The following MAPK8 variants were observed in gnomAD, a reference collection of about 807,000 sequenced individuals.
MAPK8 encodes mitogen-activated protein kinase 8.
In MAPK8, 13 loss-of-function variants were observed where a neutral mutation model predicts 52.9. The ratio of observed to expected loss-of-function variants is 0.25; its 90% CI spans 0.16 to 0.39. The LOEUF is 0.39. Among genes scored for constraint, MAPK8 ranks in the 10% least tolerant of loss-of-function variants. The probability of loss-of-function intolerance (pLI) is 1.00; values close to 1 mark genes in which losing one functional copy is unlikely to be tolerated. For synonymous variants in MAPK8, 191 were observed against 169.8 expected (o/e 1.12, Z -0.97); for missense variants, 300 against 519.2 (o/e 0.58, Z 4.10).
chr10:48,345,310 G>A (rs181996963), intron 1 of MAPK8, among the ~76,000 whole-genome samples: 8 of 152,128 alleles, frequency 5.3e-5, no homozygotes, highest in Non-Finnish European at 7.4e-5. Context: ...CTCAACTATT[G>A]GGTACCTTCT....
intron 1 of MAPK8, among the ~76,000 whole-genome samples, chr10:48,350,835 T>C (rs1846249315): frequency 6.6e-6 from 1 of 152,204 alleles, no homozygotes; most frequent in South Asian, 2.1e-4. Context: ...TTGTCTCTGT[T>C]TGCAGATGAC....
chr10:48,371,718 G>A (rs572274630), intron 1 of MAPK8, among the ~76,000 whole-genome samples: 2 of 152,158 alleles, frequency 1.3e-5, no homozygotes, highest in South Asian at 4.2e-4. Context: ...ACAGGATGAG[G>A]TCTCAGTCCC....
Position 48,437,404 on chromosome 10 carries a change from G to C in MAPK8, c.*2375G>C, listed in dbSNP as rs1330590161. The C allele has an allele frequency of 6.6e-6, 1 of 151,910 alleles. No individual in the cohort carries two copies. The highest frequency in any genetic ancestry group is 2.4e-5 in the African/African-American group (1 of 41,330). The allele number at this position is 151,910 out of a possible 1,614,324, so 9.4% of individuals were successfully genotyped here. On this transcript the variant is annotated 3_prime_UTR_variant, in exon 12 of 12. Transcript: ENST00000374189. The stretch of plus-strand genomic sequence containing the variant: ...ATAACATTTCTATCAGGTAGTACTT[G>C]TATGAAACCACCTTTCTTATTCTAT...
chr10:48,367,853 G>A (rs528350479), intron 1 of MAPK8, among the ~76,000 whole-genome samples: 21 of 152,282 alleles, frequency 1.4e-4, no homozygotes, highest in African/African-American at 5.1e-4. Flanking sequence ...TTTCACATAA[G>A]GGGACAGAGG....
At chr10:48,343,828 A>T (rs1845521713) in intron 1 of MAPK8, among the ~76,000 whole-genome samples, 1 of 152,188 alleles carries the variant, frequency 6.6e-6, no homozygotes, top group Non-Finnish European at 1.5e-5. Flanking sequence ...ATTATTGTAT[A>T]CTCATTGTAT....
Position 48,409,581 on chromosome 10 carries a change from T to G in MAPK8, c.253-298T>G, listed in dbSNP as rs1589223315. 2.0e-5 allele frequency among the ~76,000 whole-genome samples: 3 copies of G among 152,278 alleles called. No individual in the cohort carries two copies. The East Asian group carries it at 5.8e-4, about 29-fold the overall frequency. On this transcript the variant is annotated intron_variant, in intron 3 of 11. Transcript: ENST00000374189. Reference sequence around the variant, plus strand: ...AAGAACTGGTAGAAGGGATTTAAGATTTGCTGATAAATTATGTAGAGGTTT... The same window carrying G: ...AAGAACTGGTAGAAGGGATTTAAGAGTTGCTGATAAATTATGTAGAGGTTT...
chr10:48,427,504 T>A (rs774625322), intron 10 of MAPK8: 92 of 160,506 alleles, frequency 5.7e-4, no homozygotes, highest in Non-Finnish European at 9.3e-4. Context: ...TATTATATAT[T>A]TTTTTGAGTT....
chr10:48,363,380 C>T (rs1881738), intron 1 of MAPK8, among the ~76,000 whole-genome samples: 122,808 of 152,178 alleles, frequency 0.81, 49,732 homozygotes, highest in Middle Eastern at 0.9. Context: ...CTGGAGCTGG[C>T]AAGAAATCTT....
At chr10:48,434,576 A>C (rs1484795197) in intron 11 of MAPK8, among the ~76,000 whole-genome samples, 3 of 152,230 alleles carry the variant, frequency 2.0e-5, no homozygotes, top group African/African-American at 7.2e-5. Flanking sequence ...CCTGAAGCCC[A>C]TTCATGGATC....
At chr10:48,345,677 T>C (rs1055681252) in intron 1 of MAPK8, among the ~76,000 whole-genome samples, 4 of 152,126 alleles carry the variant, frequency 2.6e-5, no homozygotes, top group African/African-American at 7.2e-5. Context: ...AAAACAAACA[T>C]AAGAAAACAG....
At chr10:48,334,230 C>A (rs1564494475) in intron 1 of MAPK8, among the ~76,000 whole-genome samples, 1 of 152,172 alleles carries the variant, frequency 6.6e-6, no homozygotes, top group South Asian at 2.1e-4. Flanking sequence ...CTCCCTCTTT[C>A]CTTTGTCCCC....
chr10:48,315,249 T>A (rs1268494252), intron 1 of MAPK8, among the ~76,000 whole-genome samples: 1 of 152,256 alleles, frequency 6.6e-6, no homozygotes, highest in African/African-American at 2.4e-5. Context: ...ACTTTTTTTA[T>A]TTTATTGTGG....
rs117394232 is a variant in MAPK8 at position 48,326,341 on chromosome 10, A to G, written c.-50+19520A>G. ...CATTGTTTCAGATTTGGCCATTGGG[A>G]ACCCCTTTAGTTAGCTCCTGTGCCT... On this transcript the variant is annotated intron_variant, in intron 1 of 11. Transcript: ENST00000374189. Among the ~76,000 whole-genome samples the G allele has an allele frequency of 7.0e-3, 1,062 of 152,278 alleles. 3 individuals carry two copies. Among genetic ancestry groups the G allele is most frequent in the Non-Finnish European group, 8.6e-3 (585 of 68,030 alleles).
Position 48,369,373 on chromosome 10 carries a change from G to A in MAPK8, c.-49-32239G>A, listed in dbSNP as rs59900741. 1.4e-3 allele frequency among the ~76,000 whole-genome samples: 211 copies of A among 152,304 alleles called. 1 individual carries two copies. Among genetic ancestry groups the A allele is most frequent in the African/African-American group, 4.8e-3 (201 of 41,574 alleles). ...GTTTGTGTTTCTGGCTTGAATACCT[G>A]AATGGATGATGATAGCAATCCCTGA... On this transcript the variant is annotated intron_variant, in intron 1 of 11. Transcript: ENST00000374189.
chr10:48,396,680 G>T lies in MAPK8; in HGVS notation c.-49-4932G>T, dbSNP rs184911140. Among the ~76,000 whole-genome samples, 251 of 152,296 alleles carry T rather than the reference G, an allele frequency of 1.6e-3. 2 individuals are homozygous for T. Among genetic ancestry groups the T allele is most frequent in the Non-Finnish European group, 3.0e-3 (201 of 68,018 alleles). On this transcript the variant is annotated intron_variant, in intron 1 of 11. Transcript: ENST00000374189. ...ATAGCCAGCAAGGGGTGAATAGATA[G>T]CAAATTGTCATACATTCATACAATG...
chr10:48,385,953 ACTAC>A (rs1264944538), intron 1 of MAPK8, among the ~76,000 whole-genome samples: 1 of 152,138 alleles, frequency 6.6e-6, no homozygotes, highest in Non-Finnish European at 1.5e-5. Context: ...TTTTCTAAAA[ACTAC>A]CTAGCGTTAA....
intron 1 of MAPK8, among the ~76,000 whole-genome samples, chr10:48,376,960 A>G (rs999655261): frequency 1.3e-5 from 2 of 152,222 alleles, no homozygotes; most frequent in African/African-American, 4.8e-5. Flanking sequence ...ATGACTGGGA[A>G]CCAACCCAAA....
At chr10:48,318,095 G>T (rs1588918068) in intron 1 of MAPK8, among the ~76,000 whole-genome samples, 1 of 152,260 alleles carries the variant, frequency 6.6e-6, no homozygotes, top group East Asian at 1.9e-4. Flanking sequence ...AGATTTTAAG[G>T]CATTTGTTTT....
At chr10:48,355,395 G>T (rs1846794508) in intron 1 of MAPK8, among the ~76,000 whole-genome samples, 1 of 150,290 alleles carries the variant, frequency 6.7e-6, no homozygotes, top group African/African-American at 2.5e-5. Context: ...TGTAGTCCCA[G>T]CAGCTCGGGA....
Sources: gnomAD v4.1 joint callset for allele counts (sites outside exome capture counted in the v4.1 genomes callset) on GRCh38, gnomAD v4.1.1 for gene constraint, MANE v1.5 for transcripts, NCBI Gene and HGNC (gene_info 2026-07-23, HGNC 2026-07-21) for gene names.